The following MAD1L1 variants were observed in gnomAD, a reference collection of about 807,000 sequenced individuals.
MAD1L1 encodes mitotic arrest deficient 1 like 1.
MAD1L1 carries 95 observed loss-of-function variants against 96.9 expected under a neutral mutation model. The ratio of observed to expected loss-of-function variants is 0.98; its 90% confidence interval spans 0.83 to 1.16. The LOEUF is 1.16. Among genes scored for constraint, MAD1L1 ranks in the 50% most tolerant of loss-of-function variants. MAD1L1 has a pLI of 0.00. For missense variants in MAD1L1, 1,007 were observed against 954.4 expected (o/e 1.06, Z -0.73); for synonymous variants, 473 against 396.6 (o/e 1.19, Z -2.29).
chr7:1,988,049 C>T (rs948612425), intron 14 of MAD1L1, among the ~76,000 whole-genome samples: 2 of 152,204 alleles, frequency 1.3e-5, no homozygotes, highest in Admixed American at 6.5e-5. Context: ...CGGGGCAGGC[C>T]CATGAGAGGC....
chr7:1,856,644 CGGCTCCTCCACAAACCCAGAAGGGAAGAT>C (rs1202097780), intron 18 of MAD1L1, among the ~76,000 whole-genome samples: 1 of 152,114 alleles, frequency 6.6e-6, no homozygotes, highest in African/African-American at 2.4e-5. Context: ...GAGCTGCTCG[CGGCTCCTCCACAAACCCAGAAGGGAAGAT>C]GGCACAGCCC....
At chr7:2,027,406 A>T (rs534851134) in intron 12 of MAD1L1, among the ~76,000 whole-genome samples, 1 of 152,368 alleles carries the variant, frequency 6.6e-6, no homozygotes, top group East Asian at 1.9e-4. Context: ...CTGAGAAATG[A>T]AAAGTAATGA....
intron 11 of MAD1L1, among the ~76,000 whole-genome samples, chr7:2,128,767 G>A (rs1014685421): frequency 1.3e-5 from 2 of 152,200 alleles, no homozygotes; most frequent in African/African-American, 4.8e-5. Context: ...TGGCTGCTGG[G>A]ACCTGCCCTC....
Position 2,219,438 on chromosome 7 carries a change from C to A in MAD1L1, c.490G>T (p.Gly164Trp). 6.2e-7 allele frequency: 1 copy of A among 1,613,798 alleles called. No individual in the cohort carries two copies. The highest frequency in any genetic ancestry group is 1.1e-5 in the South Asian group (1 of 90,960). Residue 164 changes from glycine (G) to tryptophan (W), a missense_variant, in exon 6 of 19, where the codon GGG becomes TGG. By Grantham distance (184) the Gly-to-Trp change is radical. Transcript: ENST00000265854. ...CTCCACTGCAGTTCCGAGATCCTCC[C>A]CTTCAGTGCGTTGATGGTCTAAAAG... ...QAGETINALK[G>W]RISELQWSVM...
In MAD1L1 at chr7:2,152,883, G is replaced by A. The variant is rs572190348; in HGVS notation, c.987-3645C>T. 1.6e-4 allele frequency among the ~76,000 whole-genome samples: 25 copies of A among 152,288 alleles called. No individual in the cohort carries two copies. The East Asian group carries it at 3.1e-3, about 19-fold the overall frequency. On this transcript the variant is annotated intron_variant, in intron 10 of 18. Coordinates refer to ENST00000265854, the MANE Select transcript of MAD1L1 (RefSeq NM_001013836.2). ...GGGAGGCCGGGAGAGGACATGCACC[G>A]TGGAGGCGGTGTCTGGATGTCGCCG...
chr7:2,101,269 C>T (rs111638096), intron 11 of MAD1L1, among the ~76,000 whole-genome samples: 5,125 of 142,346 alleles, frequency 0.036, 546 homozygotes, highest in African/African-American at 0.13. Flanking sequence ...GTGCCTGGCG[C>T]GAGACTGGGG....
intron 12 of MAD1L1, among the ~76,000 whole-genome samples, chr7:2,040,186 A>C (rs1783611754): frequency 1.3e-5 from 2 of 152,222 alleles, no homozygotes; most frequent in Non-Finnish European, 2.9e-5. Flanking sequence ...CTGAAAAGAC[A>C]AAAGCTACCA....
rs34712493 is a variant in MAD1L1 at position 1,860,302 on chromosome 7, G to C, written c.1998+37898C>G. ...CTGCGGGGCGGCCTCTGTGTCCCTAGACCTGACATCTGGCGGGGCGGCCTC... is the reference window on the plus strand; with the variant it reads ...CTGCGGGGCGGCCTCTGTGTCCCTACACCTGACATCTGGCGGGGCGGCCTC... On this transcript the variant is annotated intron_variant, in intron 18 of 18. Coordinates refer to ENST00000265854, the MANE Select transcript of MAD1L1 (RefSeq NM_001013836.2). 2.6e-3 allele frequency among the ~76,000 whole-genome samples: 359 copies of C among 139,054 alleles called. 8 individuals are homozygous for C. The highest frequency in any genetic ancestry group is 0.013 in the East Asian group (58 of 4,370). The allele number at this position is 139,054 out of a possible 152,430, so 91.2% of individuals were successfully genotyped here. A position where few individuals can be genotyped will look rare whatever the true frequency, so the allele number is the denominator to read the frequency against.
intron 11 of MAD1L1, among the ~76,000 whole-genome samples, chr7:2,095,916 A>G (rs1035449945): frequency 2.9e-4 from 44 of 152,232 alleles, no homozygotes; most frequent in African/African-American, 1.0e-3. Context: ...TGTCTCCCTC[A>G]AGGGAGCTTT....
At chr7:1,877,840 A>T (rs371998354) in intron 18 of MAD1L1, among the ~76,000 whole-genome samples, 1 of 152,324 alleles carries the variant, frequency 6.6e-6, no homozygotes, top group East Asian at 1.9e-4. Context: ...AGAAGATATA[A>T]CAATCTTAAC....
intron 18 of MAD1L1, among the ~76,000 whole-genome samples, chr7:1,861,228 G>C (rs948703203): frequency 2.0e-4 from 31 of 152,212 alleles, no homozygotes; most frequent in Admixed American, 7.9e-4. Flanking sequence ...GAGCAGGGCA[G>C]GTGCTGGGTC....
chr7:1,888,120 T>A (rs1433698703), intron 18 of MAD1L1, among the ~76,000 whole-genome samples: 3 of 144,622 alleles, frequency 2.1e-5, no homozygotes, highest in Non-Finnish European at 4.5e-5. Flanking sequence ...TGCCTGTGTG[T>A]GAGCATTGTG....
chr7:2,069,676 C>T (rs1434331971), intron 11 of MAD1L1, among the ~76,000 whole-genome samples: 1 of 152,232 alleles, frequency 6.6e-6, no homozygotes, highest in Non-Finnish European at 1.5e-5. Context: ...CCCTCTGAAT[C>T]ACCGCAGATG....
intron 10 of MAD1L1, among the ~76,000 whole-genome samples, chr7:2,179,432 G>A (rs1332526724): frequency 1.3e-5 from 2 of 151,824 alleles, no homozygotes; most frequent in Non-Finnish European, 2.9e-5. Flanking sequence ...GGAGGCTGAG[G>A]CAGGAGAATC....
rs1024518082 is a variant in MAD1L1 at position 2,129,516 on chromosome 7, G to A, written c.1073+19636C>T. 6.6e-5 allele frequency among the ~76,000 whole-genome samples: 10 copies of A among 152,288 alleles called. 1 individual carries two copies. The South Asian group carries it at 8.3e-4, about 13-fold the overall frequency. ...CCAGTGACGAGGACGCGAGGAACAC[G>A]CGCTTCTCAGAGTCCAGTCACACAC... is the stretch of plus-strand genomic sequence containing the variant. On this transcript the variant is annotated intron_variant, in intron 11 of 18. Transcript: ENST00000265854.
chr7:1,923,524 C>G (rs1788921431), intron 17 of MAD1L1, among the ~76,000 whole-genome samples: 1 of 152,278 alleles, frequency 6.6e-6, no homozygotes, highest in South Asian at 2.1e-4. Flanking sequence ...GGCACCCGGG[C>G]AATCCTGCGG....
intron 18 of MAD1L1, among the ~76,000 whole-genome samples, chr7:1,887,888 T>G (rs368584060): frequency 6.6e-6 from 1 of 152,076 alleles, no homozygotes; most frequent in Non-Finnish European, 1.5e-5. Flanking sequence ...TGCGTGTGTG[T>G]GGCTGCCTGT....
chr7:2,141,431 A>G (rs1009992180), intron 11 of MAD1L1, among the ~76,000 whole-genome samples: 3 of 152,186 alleles, frequency 2.0e-5, no homozygotes, highest in African/African-American at 7.2e-5. Context: ...ATGGTGCCTC[A>G]GACAGGCCCC....
At chr7:1,939,283 AGGGCCG>A (rs1465656364) in intron 16 of MAD1L1, among the ~76,000 whole-genome samples, 1 of 147,936 alleles carries the variant, frequency 6.8e-6, no homozygotes, top group African/African-American at 2.5e-5. Context: ...CACATGGGCC[AGGGCCG>A]GGGCCAGCGG....
Sources: gnomAD v4.1 joint callset for allele counts (sites outside exome capture counted in the v4.1 genomes callset) on GRCh38, gnomAD v4.1.1 for gene constraint, MANE v1.5 for transcripts, NCBI Gene and HGNC (gene_info 2026-07-23, HGNC 2026-07-21) for gene names.